Variants in ZC3H12C observed in about 807,000 individuals in gnomAD.
ZC3H12C encodes the protein zinc finger CCCH-type containing 12C.
ZC3H12C carries 20 observed loss-of-function variants against 76.3 expected under a neutral mutation model. The ratio of observed to expected loss-of-function variants is 0.26; its 90% CI spans 0.18 to 0.38. The LOEUF (loss-of-function observed/expected upper bound fraction) is 0.38. ZC3H12C is among the 10% of genes least tolerant of loss of function. The pLI, the probability that ZC3H12C is intolerant of heterozygous loss-of-function variation, is 1.00. For synonymous variants in ZC3H12C, 352 were observed against 399.6 expected, an observed-to-expected ratio of 0.88 and a Z score of 1.42; for missense variants, 874 against 1,086.5, an observed-to-expected ratio of 0.80 and a Z score of 2.75.
chr11:110,108,052 A>T (rs1305975146), intron 1 of ZC3H12C, among the ~76,000 whole-genome samples: 2 of 152,006 alleles, frequency 1.3e-5, no homozygotes, highest in Non-Finnish European at 2.9e-5. Context: ...GGCTCAAGCT[A>T]TCCTCTCACC....
intron 2 of ZC3H12C, among the ~76,000 whole-genome samples, chr11:110,148,782 G>C (rs945199936): frequency 2.6e-5 from 4 of 152,156 alleles, no homozygotes; most frequent in Admixed American, 2.6e-4. Context: ...TAGAGCTATG[G>C]TGAATGTTCT....
rs1862597604 is a variant in ZC3H12C at position 110,167,068 on chromosome 11, G to C, written c.*1331G>C. The C allele has an allele frequency of 6.6e-6, 1 of 152,200 alleles. No homozygotes were observed. The highest frequency in any genetic ancestry group is 2.4e-5 in the African/African-American group (1 of 41,436). 9.4% of individuals were successfully genotyped at this position (152,200 alleles called of 1,614,324 possible). On this transcript the variant is annotated 3_prime_UTR_variant, in exon 6 of 6. Coordinates refer to ENST00000278590, the MANE Select transcript of ZC3H12C (RefSeq NM_033390.2). ...ATACATTTCTGCGGAGTAGAAGATA[G>C]ATTTTGCAGTCAGTGGCAGACAGTT...
rs1165915716 is a variant in ZC3H12C, at chr11:110,159,447, T to G, written c.1105T>G (p.Phe369Val). 1.2e-6 allele frequency: 2 copies of G among 1,613,324 alleles called. No homozygotes were observed. The highest frequency in any genetic ancestry group is 1.7e-6 in the Non-Finnish European group (2 of 1,179,646). ...LANEKPEWKKFIDERLLMYSF... is the reference protein window; with the variant it reads ...LANEKPEWKKVIDERLLMYSF... ...TAATGAGAAGCCAGAATGGAAGAAG[T>G]TCATAGATGAACGATTATTAATGTA... The change falls in exon 4 of 6, where the codon TTC becomes GTC. Residue 369 changes from phenylalanine (F) to valine (V), a missense_variant. Around this residue, in one of 3 missense-constraint regions of ZC3H12C, gnomAD observed 269 missense variants for 424.9 expected, o/e 0.63. Coordinates refer to ENST00000278590, the MANE Select transcript of ZC3H12C (RefSeq NM_033390.2).
Position 110,165,628 on chromosome 11 carries a change from T to G in ZC3H12C, c.2543T>G (p.Ile848Ser). The G allele has an allele frequency of 6.3e-7, 1 of 1,599,830 alleles. No homozygotes were observed. The highest frequency in any genetic ancestry group is 1.1e-5 in the South Asian group (1 of 88,428). ...AAGATTTATATCAATTTGTGCAACA[T>G]CTTCCCCCCTGACCTTGTGAGAATT... ...REKIYINLCN[I>S]FPPDLVRIVM... The change falls in exon 6 of 6, where the codon ATC becomes AGC. Residue 848 changes from isoleucine (I) to serine (S), a missense_variant. Around this residue, in one of 3 missense-constraint regions of ZC3H12C, gnomAD observed 395 missense variants for 434.4 expected, o/e 0.91. Transcript: ENST00000278590.
In ZC3H12C at chr11:110,147,619, T is replaced by TA. The variant is rs58411498; in HGVS notation, c.774-5288dup. Among the ~76,000 whole-genome samples, 41 of 145,666 alleles carry TA rather than the reference T, an allele frequency of 2.8e-4. No homozygotes were observed. The Middle Eastern group carries it at 0.01, about 37-fold the overall frequency. On this transcript the variant is annotated intron_variant, in intron 2 of 5. Transcript: ENST00000278590. ...TGTATCCCAGAATTTAAAGTAAAAT[T>TA]AAAAAAAAAAAAGAAAAGAAAAGAA...
chr11:110,148,253 C>T (rs987675088), intron 2 of ZC3H12C, among the ~76,000 whole-genome samples: 5 of 152,160 alleles, frequency 3.3e-5, no homozygotes, highest in Non-Finnish European at 7.3e-5. Context: ...ATCAATTTGT[C>T]TACTTCAAAT....
At chr11:110,128,646 C>T (rs1007073766) in intron 1 of ZC3H12C, among the ~76,000 whole-genome samples, 2 of 152,092 alleles carry the variant, frequency 1.3e-5, no homozygotes, top group Admixed American at 1.3e-4. Flanking sequence ...AATATGAATT[C>T]ATAAATACTG....
intron 4 of ZC3H12C, among the ~76,000 whole-genome samples, chr11:110,160,635 C>T (rs1387259057): frequency 6.6e-6 from 1 of 152,092 alleles, no homozygotes; most frequent in Non-Finnish European, 1.5e-5. Flanking sequence ...CCTGGAAAGT[C>T]TCCAGGGGCA....
At chr11:110,159,623 G>C (rs1174360366) in intron 4 of ZC3H12C, 133 bp downstream of exon 4, 8 of 773,014 alleles carry the variant, frequency 1.0e-5, no homozygotes, top group Non-Finnish European at 1.6e-5. Flanking sequence ...TCTCCCCACT[G>C]ATCCTCAGTG....
chr11:110,105,306 G>A (rs929599694), intron 1 of ZC3H12C, among the ~76,000 whole-genome samples: 1 of 152,042 alleles, frequency 6.6e-6, no homozygotes, highest in Non-Finnish European at 1.5e-5. Flanking sequence ...CAATTTTGAT[G>A]TAATTTTAAA....
At position 110,164,746 on chromosome 11, in the gene ZC3H12C, G is replaced by A; in HGVS notation, c.1661G>A (p.Arg554Lys). 1 of 1,613,946 alleles carries A rather than the reference G, an allele frequency of 6.2e-7. No individual in the cohort carries two copies. The highest frequency in any genetic ancestry group is 8.5e-7 in the Non-Finnish European group (1 of 1,179,892). Residue 554 changes from arginine to lysine, a missense_variant, in exon 6 of 6, where the codon AGA (arginine) becomes AAA (lysine). By Grantham distance (26) the Arg-to-Lys change is conservative (BLOSUM62 2). Coordinates refer to ENST00000278590, the MANE Select transcript of ZC3H12C (RefSeq NM_033390.2). The surrounding 1 kb of genome is among the most constrained non-coding windows in gnomAD (Gnocchi z 5.7). ...GTTCATTTCCCACCTCAGGATCAAAGACCACAGGGACAATATCCTTCAATG... is the reference window on the plus strand; with the variant it reads ...GTTCATTTCCCACCTCAGGATCAAAAACCACAGGGACAATATCCTTCAATG... Reference protein sequence around the residue: ...SGVHFPPQDQRPQGQYPSMMM... With the variant: ...SGVHFPPQDQKPQGQYPSMMM...
intron 3 of ZC3H12C, among the ~76,000 whole-genome samples, chr11:110,154,295 A>G (rs1283501408): frequency 6.6e-6 from 1 of 151,514 alleles, no homozygotes; most frequent in Admixed American, 6.6e-5. Flanking sequence ...ACTTGAGCCC[A>G]GGAGGCAGAA....
rs1246442992 is a variant in ZC3H12C at position 110,169,587 on chromosome 11, A to G, written c.*3850A>G. 1 of 152,310 alleles carries G rather than the reference A, an allele frequency of 6.6e-6. No individual in the cohort carries two copies. The highest frequency in any genetic ancestry group is 1.9e-4 in the East Asian group (1 of 5,188). 9.4% of individuals were successfully genotyped at this position (152,310 alleles called of 1,614,324 possible). A position where few individuals can be genotyped will look rare whatever the true frequency, so the allele number is the denominator to read the frequency against. ...AGAATTCCCACGTGACCTGAAATCA[A>G]ACAGATTCTGGCTGGACATATGCTT... On this transcript the variant is annotated 3_prime_UTR_variant, in exon 6 of 6. Transcript: ENST00000278590.
chr11:110,121,231 A>C (rs1347230176), intron 1 of ZC3H12C, among the ~76,000 whole-genome samples: 1 of 152,208 alleles, frequency 6.6e-6, no homozygotes, highest in Admixed American at 6.5e-5. Context: ...ATAAATCCAG[A>C]AAATAGATTT....
chr11:110,130,993 T>G, intron 1 of ZC3H12C: 1 of 1,528,302 alleles, frequency 6.5e-7, no homozygotes, highest in Non-Finnish European at 8.8e-7. Context: ...ATTCCATCTG[T>G]TCAACCATTC....
chr11:110,105,987 A>AATTTGTATTTCTGTCAGCAATGTAT (rs1591458142), intron 1 of ZC3H12C, among the ~76,000 whole-genome samples: 1 of 76,096 alleles, frequency 1.3e-5, no homozygotes, highest in Admixed American at 1.4e-4. Flanking sequence ...AAGTTATACC[A>AATTTGTATTTCTGTCAGCAATGTAT]GCCGGGCGCG....
rs1010396312 is a variant in ZC3H12C at position 110,170,211 on chromosome 11, A to G, written c.*4474A>G. The G allele has an allele frequency of 3.3e-5, 5 of 152,152 alleles. No individual in the cohort carries two copies. Among genetic ancestry groups the G allele is most frequent in the Non-Finnish European group, 7.4e-5 (5 of 68,010 alleles). The allele number at this position is 152,152 out of a possible 1,614,324, so 9.4% of individuals were successfully genotyped here. A position where few individuals can be genotyped will look rare whatever the true frequency, so the allele number is the denominator to read the frequency against. ...CTTGTGTTTAACCACAAAAAAAAGC[A>G]CTCTGTTAAAATGTTTTAATATGTA... On this transcript the variant is annotated 3_prime_UTR_variant, in exon 6 of 6. Coordinates refer to ENST00000278590, the MANE Select transcript of ZC3H12C (RefSeq NM_033390.2).
chr11:110,147,627 AAAAAG>A (rs1338565748), intron 2 of ZC3H12C, among the ~76,000 whole-genome samples: 14 of 152,070 alleles, frequency 9.2e-5, no homozygotes, highest in South Asian at 4.1e-4. Flanking sequence ...ATTAAAAAAA[AAAAAG>A]AAAAGAAAAG....
intron 1 of ZC3H12C, among the ~76,000 whole-genome samples, chr11:110,103,242 A>C (rs1314315589): frequency 6.6e-6 from 1 of 152,350 alleles, no homozygotes; most frequent in Non-Finnish European, 1.5e-5. Context: ...TTTGTCTTTG[A>C]AGAATATAAT....
Sources: gnomAD v4.1 joint callset for allele counts (sites outside exome capture counted in the v4.1 genomes callset) on GRCh38, gnomAD v4.1.1 for gene constraint, gnomAD v4.1.1 regional missense constraint, Gnocchi (gnomAD v3.1) non-coding constraint, MANE v1.5 for transcripts, NCBI Gene and HGNC (gene_info 2026-07-23, HGNC 2026-07-21) for gene names.